Variants in ZNF827 observed in about 807,000 individuals in gnomAD.
The protein encoded by ZNF827 is zinc finger protein 827.
Under a neutral mutation model 102.4 loss-of-function variants are expected in ZNF827, and 13 were observed. The ratio of observed to expected loss-of-function variants is 0.13; its 90% CI spans 0.08 to 0.20. ZNF827 has a LOEUF of 0.20. Ranked by LOEUF, ZNF827 falls within the 10% of genes least tolerant of loss-of-function variation. The pLI, the probability that ZNF827 is intolerant of heterozygous loss-of-function variation, is 1.00. For missense variants in ZNF827, 1,103 were observed against 1,344.4 expected (o/e 0.82, Z 2.81); for synonymous variants, 523 against 536.2 (o/e 0.98, Z 0.34).
intron 8 of ZNF827, among the ~76,000 whole-genome samples, chr4:145,788,394 C>T (rs1579189265): frequency 6.6e-6 from 1 of 152,250 alleles, no homozygotes; most frequent in Non-Finnish European, 1.5e-5. Context: ...TCTAAGCCTC[C>T]AAATGTAGAT....
At position 145,780,993 on chromosome 4, in the gene ZNF827, G is replaced by T. The variant is rs969078725; in HGVS notation, c.2384-1482C>A. On this transcript the variant is annotated intron_variant, in intron 8 of 14. Transcript: ENST00000508784. ...AGGGGGATCACAAGGTCAGAAGATC[G>T]AGACCATCCTGGCTAACACGGTGAA... 1.3e-5 allele frequency among the ~76,000 whole-genome samples: 2 copies of T among 152,140 alleles called. 1 individual carries two copies. Among genetic ancestry groups the T allele is most frequent in the South Asian group, 4.2e-4 (2 of 4,818 alleles).
chr4:145,834,348 C>G (rs1389681866), intron 7 of ZNF827, among the ~76,000 whole-genome samples: 2 of 152,096 alleles, frequency 1.3e-5, no homozygotes, highest in Non-Finnish European at 2.9e-5. Context: ...CAGTATTAAC[C>G]CCAAGCGTCG....
chr4:145,765,845 G>A lies in ZNF827; in HGVS notation c.2861-107C>T. The stretch of plus-strand genomic sequence containing the variant: ...CTCATGGATGCATCATCATTCTGGG[G>A]GCACAGGCTCATGTCCCCAGCTCCC... On this transcript the variant is annotated intron_variant, in intron 11 of 14. Coordinates refer to ENST00000508784, the MANE Select transcript of ZNF827 (RefSeq NM_001306215.2). This position sits in a 1 kb window ranked among gnomAD's most constrained non-coding sequence, Gnocchi z 4.7. The A allele has an allele frequency of 2.6e-6, 3 of 1,175,108 alleles. No homozygotes were observed. Among genetic ancestry groups the A allele is most frequent in the Non-Finnish European group, 3.5e-6 (3 of 846,614 alleles). 72.8% of individuals were successfully genotyped at this position (1,175,108 alleles called of 1,614,324 possible). A position where few individuals can be genotyped will look rare whatever the true frequency, so the allele number is the denominator to read the frequency against.
At chr4:145,846,143 A>T (rs189258112) in intron 6 of ZNF827, 130 bp from the exon 7 acceptor site, 2 of 846,596 alleles carry the variant, frequency 2.4e-6, no homozygotes, top group Non-Finnish European at 3.7e-6. Context: ...TTTCTTTTTT[A>T]AACATCCAGA....
At chr4:145,827,205 G>A (rs916420007) in intron 7 of ZNF827, among the ~76,000 whole-genome samples, 5 of 152,232 alleles carry the variant, frequency 3.3e-5, no homozygotes, top group African/African-American at 7.2e-5. Flanking sequence ...ACTCTTTCCC[G>A]CTCAGCTACA....
At chr4:145,801,524 G>A (rs1004317514) in intron 8 of ZNF827, among the ~76,000 whole-genome samples, 1 of 152,118 alleles carries the variant, frequency 6.6e-6, no homozygotes, top group African/African-American at 2.4e-5. Flanking sequence ...GAGAGAGTGG[G>A]GAAGAAGTGT....
chr4:145,833,958 C>A (rs1744544366), intron 7 of ZNF827, among the ~76,000 whole-genome samples: 1 of 151,708 alleles, frequency 6.6e-6, no homozygotes, highest in Non-Finnish European at 1.5e-5. Context: ...CTCCATTTCT[C>A]TACTCTCTCT....
At chr4:145,764,806 C>A (rs1278906053) in intron 13 of ZNF827, 182 bp downstream of exon 13, 5 of 757,652 alleles carry the variant, frequency 6.6e-6, no homozygotes, top group African/African-American at 3.5e-5. Flanking sequence ...TCTGTTGACA[C>A]CCTAGGGGGA....
intron 1 of ZNF827, among the ~76,000 whole-genome samples, chr4:145,909,391 C>T (rs1265216264): frequency 6.6e-6 from 1 of 152,212 alleles, no homozygotes; most frequent in Non-Finnish European, 1.5e-5. Context: ...GATAGGATGT[C>T]GAAAGCACCA....
chr4:145,883,983 T>C (rs1264244760), intron 4 of ZNF827, among the ~76,000 whole-genome samples: 2 of 152,088 alleles, frequency 1.3e-5, no homozygotes, highest in Non-Finnish European at 2.9e-5. Flanking sequence ...TTCAAAAATT[T>C]TTAAATATAA....
chr4:145,876,616 G>A (rs2126784297), intron 4 of ZNF827: 1 of 152,298 alleles, frequency 6.6e-6, no homozygotes. Flanking sequence ...TTTGAGGTAG[G>A]CACTAGTATT....
At chr4:145,932,544 G>C (rs947926199) in intron 1 of ZNF827, among the ~76,000 whole-genome samples, 1 of 150,796 alleles carries the variant, frequency 6.6e-6, no homozygotes, top group Non-Finnish European at 1.5e-5. Flanking sequence ...GCACAATCTC[G>C]GCTCACTGCA....
chr4:145,813,842 C>A (rs764176198), intron 8 of ZNF827, among the ~76,000 whole-genome samples: 6 of 152,100 alleles, frequency 3.9e-5, no homozygotes, highest in Non-Finnish European at 7.4e-5. Context: ...CCAGAGGCCA[C>A]TGTAATCCAG....
At chr4:145,879,250 G>A (rs541979652) in intron 4 of ZNF827, among the ~76,000 whole-genome samples, 6 of 152,290 alleles carry the variant, frequency 3.9e-5, no homozygotes, top group Admixed American at 3.9e-4. Context: ...CTATAACATA[G>A]GTTTACTATT....
chr4:145,907,400 A>G (rs1751955046), intron 1 of ZNF827, among the ~76,000 whole-genome samples: 1 of 152,228 alleles, frequency 6.6e-6, no homozygotes, highest in Non-Finnish European at 1.5e-5. Context: ...TGGAGCTCAA[A>G]ACAAAGCATT....
chr4:145,918,331 G>C (rs1270086089), intron 1 of ZNF827, among the ~76,000 whole-genome samples: 1 of 13,888 alleles, frequency 7.2e-5, no homozygotes, highest in Non-Finnish European at 1.4e-4. Context: ...TTAGCTCAAG[G>C]CAAAAAAAAA....
intron 11 of ZNF827, 111 bp downstream of exon 11, chr4:145,774,395 A>G (rs897904077): frequency 8.1e-7 from 1 of 1,230,602 alleles, no homozygotes; most frequent in Non-Finnish European, 1.1e-6. Context: ...CCTTCCATGG[A>G]AGGAAAAGGG....
At chr4:145,869,317 C>T (rs560559716) in intron 5 of ZNF827, among the ~76,000 whole-genome samples, 10 of 152,224 alleles carry the variant, frequency 6.6e-5, no homozygotes, top group Non-Finnish European at 1.2e-4. Flanking sequence ...ACAGTCAGAA[C>T]TGCTGATGAA....
At chr4:145,771,708 A>C (rs1341992643) in intron 11 of ZNF827, among the ~76,000 whole-genome samples, 1 of 152,208 alleles carries the variant, frequency 6.6e-6, no homozygotes, top group Non-Finnish European at 1.5e-5. Flanking sequence ...CTGGAGTAAC[A>C]CCAACCCATA....
Sources: allele counts gnomAD v4.1 joint callset (sites outside exome capture counted in the v4.1 genomes callset), GRCh38; gene constraint gnomAD v4.1.1; non-coding constraint Gnocchi (gnomAD v3.1); transcripts MANE v1.5; gene names NCBI Gene and HGNC (gene_info 2026-07-23, HGNC 2026-07-21).